Variants in GREB1 observed in about 807,000 individuals in gnomAD.
GREB1 encodes growth regulating estrogen receptor binding 1.
In GREB1, 106 loss-of-function variants were observed where a neutral mutation model predicts 200.7. The observed-to-expected ratio is 0.53, with a 90% CI of 0.45 to 0.62. The LOEUF is 0.62. Among genes scored for constraint, GREB1 ranks in the 20% least tolerant of loss-of-function variants. The pLI, the probability that GREB1 is intolerant of heterozygous loss-of-function variation, is 0.00. For synonymous variants in GREB1, 1,132 were observed against 1,092.4 expected, an observed-to-expected ratio of 1.04 and a Z score of -0.72; for missense variants, 2,243 against 2,556.8, an observed-to-expected ratio of 0.88 and a Z score of 2.65.
chr2:11,550,962 C>T (rs1425291536), intron 1 of GREB1, among the ~76,000 whole-genome samples: 1 of 152,202 alleles, frequency 6.6e-6, no homozygotes, highest in East Asian at 1.9e-4. Flanking sequence ...TGCACTTATT[C>T]TAGTTGAACT....
At chr2:11,502,561 G>A (rs1257419429) in intron 1 of GREB1, among the ~76,000 whole-genome samples, 1 of 151,724 alleles carries the variant, frequency 6.6e-6, no homozygotes. Context: ...GCAATTTGGG[G>A]TTTTCCTCAG....
intron 4 of GREB1, among the ~76,000 whole-genome samples, chr2:11,569,995 C>T (rs551085421): frequency 2.9e-4 from 44 of 152,264 alleles, no homozygotes; most frequent in South Asian, 1.9e-3. Context: ...GTTACCAACA[C>T]GTGGCCAGTC....
At chr2:11,501,792 T>A (rs1673044644) in intron 1 of GREB1, among the ~76,000 whole-genome samples, 1 of 151,906 alleles carries the variant, frequency 6.6e-6, no homozygotes, top group African/African-American at 2.4e-5. Flanking sequence ...TCCTGCAAAG[T>A]CCTTGCTATG....
At chr2:11,544,373 T>C (rs1056350770) in intron 1 of GREB1, among the ~76,000 whole-genome samples, 3 of 152,006 alleles carry the variant, frequency 2.0e-5, no homozygotes, top group Admixed American at 6.6e-5. Context: ...CCCACCACCA[T>C]GCCTGGCTAA....
chr2:11,580,727 C>T lies in GREB1; in HGVS notation c.796C>T (p.Leu266=). 6.2e-7 allele frequency: 1 copy of T among 1,614,004 alleles called. No homozygotes were observed. The highest frequency in any genetic ancestry group is 1.3e-5 in the African/African-American group (1 of 75,060). Residue 266 remains leucine, a synonymous_variant, in exon 7 of 33, where the codon CTA becomes TTA. Coordinates refer to ENST00000381486, the MANE Select transcript of GREB1 (RefSeq NM_014668.4). The surrounding 1 kb of genome is among the most constrained non-coding windows in gnomAD (Gnocchi z 4.5). ...AGGACCAGCTTCTGATCACCCCTCACTAAACGCAGCAATGGGTCCGGCTGT... is the reference window on the plus strand; with the variant it reads ...AGGACCAGCTTCTGATCACCCCTCATTAAACGCAGCAATGGGTCCGGCTGT... ...QAGPASDHPS[L]NAAMGPAVFN...
In GREB1 at chr2:11,494,090, G is replaced by A. The variant is rs1672827234; in HGVS notation, c.-159+11709G>A. On this transcript the variant is annotated intron_variant, in intron 1 of 2. Coordinates refer to the GREB1 transcript ENST00000628795. ...ATTGTAAAGATGAGGAAACGGAGGT[G>A]CAGGAAAGCCTAAGGACTTGCCCAG... Among the ~76,000 whole-genome samples, 4 of 152,236 alleles carry A rather than the reference G, an allele frequency of 2.6e-5. No homozygotes were observed. In the South Asian group the frequency reaches 8.3e-4, roughly 32 times the overall value.
intron 1 of GREB1, among the ~76,000 whole-genome samples, chr2:11,553,432 G>T (rs1334265014): frequency 6.6e-6 from 1 of 151,940 alleles, no homozygotes; most frequent in Admixed American, 6.6e-5. Flanking sequence ...GCAGAATCGA[G>T]ATCATGCCAC....
In GREB1 at chr2:11,610,896, CT is replaced by C; in HGVS notation, c.2876del (p.Leu959ArgfsTer40). ...MVLLRVPCSP[L>X]AVVAYERLAH... ...CCTGCTGCGGGTGCCCTGTTCGCCCCTGGCGGTGGTGGCCTATGAGCGGCTG... is the reference window on the plus strand; with the variant it reads ...CCTGCTGCGGGTGCCCTGTTCGCCCCGGCGGTGGTGGCCTATGAGCGGCTG... On this transcript the variant is annotated frameshift_variant, in exon 18 of 33. Transcript: ENST00000381486. LOFTEE classifies it high-confidence loss of function. 1 of 1,613,060 alleles carries C rather than the reference CT, an allele frequency of 6.2e-7. No individual in the cohort carries two copies. Among genetic ancestry groups the C allele is most frequent in the Non-Finnish European group, 8.5e-7 (1 of 1,179,790 alleles).
intron 23 of GREB1, among the ~76,000 whole-genome samples, chr2:11,621,517 GA>G (rs1432608911): frequency 6.6e-6 from 1 of 152,166 alleles, no homozygotes; most frequent in Non-Finnish European, 1.5e-5. Flanking sequence ...CTCATTTCCA[GA>G]ACAGAGTTTA....
intron 9 of GREB1, chr2:11,587,997 G>A (rs904503612): frequency 8.7e-6 from 8 of 922,702 alleles, no homozygotes; most frequent in African/African-American, 5.4e-5. Flanking sequence ...AGGCCGAGGC[G>A]GGTAGATCAC....
intron 1 of GREB1, among the ~76,000 whole-genome samples, chr2:11,486,864 A>G (rs569586216): frequency 6.6e-6 from 1 of 152,124 alleles, no homozygotes; most frequent in East Asian, 1.9e-4. Context: ...TCGAAACTCC[A>G]TCTCGGAAAA....
chr2:11,592,765 TTG>T lies in GREB1; in HGVS notation c.1346-7_1346-6del. The T allele has an allele frequency of 6.7e-7, 1 of 1,484,790 alleles. No homozygotes were observed. Among genetic ancestry groups the T allele is most frequent in the Non-Finnish European group, 8.9e-7 (1 of 1,121,572 alleles). 92.0% of individuals were successfully genotyped at this position (1,484,790 alleles called of 1,614,324 possible). On this transcript the variant is annotated splice_polypyrimidine_tract_variant and intron_variant, in intron 10 of 32. Coordinates refer to ENST00000381486, the MANE Select transcript of GREB1 (RefSeq NM_014668.4). ...ATTTGTGGCAGGCCCTCCGCCCGCA[TTG>T]TGTTGCAGCCGCGGACCAGGTGCCC...
intron 17 of GREB1, among the ~76,000 whole-genome samples, chr2:11,609,610 C>T (rs1391094806): frequency 3.3e-5 from 5 of 152,118 alleles, no homozygotes; most frequent in African/African-American, 1.2e-4. Flanking sequence ...CCAGTTATAC[C>T]TTCCTAGACA....
intron 11 of GREB1, among the ~76,000 whole-genome samples, chr2:11,593,764 C>T (rs577178052): frequency 6.6e-6 from 1 of 151,388 alleles, no homozygotes; most frequent in South Asian, 2.1e-4. Flanking sequence ...CCACCGTGCC[C>T]GGCCAATTGA....
intron 1 of GREB1, chr2:11,542,932 C>G (rs1363694400): frequency 6.6e-6 from 1 of 152,318 alleles, no homozygotes; most frequent in African/African-American, 2.4e-5. Flanking sequence ...TTATTTGGTA[C>G]ACCTGGGGCT....
chr2:11,583,874 C>T (rs1558583842), intron 7 of GREB1, among the ~76,000 whole-genome samples: 1 of 151,968 alleles, frequency 6.6e-6, no homozygotes, highest in Non-Finnish European at 1.5e-5. Context: ...AAAAAAATCA[C>T]CAGGCTGGCT....
intron 10 of GREB1, chr2:11,592,161 G>C: frequency 1.1e-6 from 1 of 922,792 alleles, no homozygotes; most frequent in East Asian, 1.2e-4. Flanking sequence ...CAAGCTATGG[G>C]AATTTGGCTT....
chr2:11,520,248 A>G (rs1023589828), intron 1 of GREB1, among the ~76,000 whole-genome samples: 6 of 152,232 alleles, frequency 3.9e-5, no homozygotes, highest in Non-Finnish European at 5.9e-5. Flanking sequence ...AACCTTTGAG[A>G]TAGAGTATTA....
At chr2:11,553,128 T>C (rs891653910) in intron 1 of GREB1, among the ~76,000 whole-genome samples, 3 of 152,048 alleles carry the variant, frequency 2.0e-5, no homozygotes, top group Non-Finnish European at 2.9e-5. Flanking sequence ...TAGGGAGTGG[T>C]ATTTATTTTT....
Sources: gnomAD v4.1 joint callset for allele counts (sites outside exome capture counted in the v4.1 genomes callset) on GRCh38, gnomAD v4.1.1 for gene constraint, Gnocchi (gnomAD v3.1) non-coding constraint, MANE v1.5 for transcripts, NCBI Gene and HGNC (gene_info 2026-07-23, HGNC 2026-07-21) for gene names.